Variants in ATP5PF observed in about 807,000 individuals in gnomAD.
The protein encoded by ATP5PF is ATP synthase peripheral stalk subunit F6, also known as ATP synthase peripheral stalk subunit F6, mitochondrial.
Under a neutral mutation model 12.0 loss-of-function variants are expected in ATP5PF, and 7 were observed. The ratio of observed to expected loss-of-function variants is 0.58; its 90% CI spans 0.33 to 1.10. The LOEUF (loss-of-function observed/expected upper bound fraction) is 1.10. ATP5PF is among the 50% of genes least tolerant of loss of function. ATP5PF has a pLI of 0.03. For synonymous variants in ATP5PF, 41 were observed against 45.4 expected (o/e 0.90, Z 0.39); for missense variants, 120 against 127.7 (o/e 0.94, Z 0.29).
At chr21:25,732,466 G>A (rs997786106) in intron 1 of ATP5PF, among the ~76,000 whole-genome samples, 3 of 151,190 alleles carry the variant, frequency 2.0e-5, no homozygotes, top group African/African-American at 7.3e-5. Context: ...GGGCAACACA[G>A]TATGACCCCA....
intron 1 of ATP5PF, among the ~76,000 whole-genome samples, chr21:25,734,147 C>A (rs2034908580): frequency 6.6e-6 from 1 of 152,188 alleles, no homozygotes; most frequent in African/African-American, 2.4e-5. Flanking sequence ...ATAGTCATTA[C>A]ACAAATAGCT....
upstream of ATP5PF, chr21:25,735,002 T>G: frequency 6.5e-7 from 1 of 1,546,084 alleles, no homozygotes; most frequent in African/African-American, 1.4e-5. Flanking sequence ...ACAGGAAGCG[T>G]CTCGGAGACA....
At chr21:25,732,302 A>G (rs1331371954) in intron 1 of ATP5PF, among the ~76,000 whole-genome samples, 1 of 152,208 alleles carries the variant, frequency 6.6e-6, no homozygotes, top group Non-Finnish European at 1.5e-5. Context: ...CAAAATGTCA[A>G]TAATGCCAAG....
chr21:25,725,438 C>CTT (rs901670241), intron 2 of ATP5PF, 88 bp from the exon 3 acceptor site: 638 of 1,027,278 alleles, frequency 6.2e-4, no homozygotes, highest in South Asian at 9.7e-4. Flanking sequence ...TCCAACAGAT[C>CTT]TTTTTTTTTT....
At chr21:25,735,311 G>A (rs1304174716), upstream of ATP5PF, 4 of 306,754 alleles carry the variant, frequency 1.3e-5, no homozygotes, top group Non-Finnish European at 2.5e-5. Context: ...GTGCTTCCTT[G>A]TACCTCGTGA....
intron 2 of ATP5PF, among the ~76,000 whole-genome samples, chr21:25,729,134 C>G (rs1426884033): frequency 6.6e-6 from 1 of 152,124 alleles, no homozygotes; most frequent in Admixed American, 6.5e-5. Flanking sequence ...AGATCTGTAA[C>G]TATGGAAATA....
At chr21:25,726,180 T>G (rs1039459273) in intron 2 of ATP5PF, among the ~76,000 whole-genome samples, 8 of 152,228 alleles carry the variant, frequency 5.3e-5, no homozygotes, top group African/African-American at 1.9e-4. Flanking sequence ...TCATCTGCTT[T>G]AAGTCAGCCA....
intron 1 of ATP5PF, among the ~76,000 whole-genome samples, chr21:25,732,741 T>C (rs1214026623): frequency 6.6e-6 from 1 of 151,642 alleles, no homozygotes; most frequent in African/African-American, 2.4e-5. Context: ...TCCCAGCACT[T>C]TGGGAGGCCA....
chr21:25,734,101 A>T lies in ATP5PF; in HGVS notation c.-8+752T>A, dbSNP rs71649636. ...TAATCCCTTTCATTTTTTTTCACTGATTAGTGAATGCATATTGTCCACTAA... is the reference window on the plus strand; with the variant it reads ...TAATCCCTTTCATTTTTTTTCACTGTTTAGTGAATGCATATTGTCCACTAA... On this transcript the variant is annotated intron_variant, in intron 1 of 3. Transcript: ENST00000284971. Among the ~76,000 whole-genome samples the T allele has an allele frequency of 8.1e-4, 123 of 152,284 alleles. 2 individuals carry two copies. The East Asian group carries it at 0.016, about 20-fold the overall frequency.
intron 1 of ATP5PF, among the ~76,000 whole-genome samples, chr21:25,732,485 GA>G (rs368201392): frequency 6.3e-4 from 90 of 142,896 alleles, no homozygotes; most frequent in Admixed American, 8.4e-4. Flanking sequence ...CATCTCTACA[GA>G]AAAAAAAAAA....
chr21:25,734,932 C>T (rs986281629), upstream of ATP5PF: 14 of 1,573,466 alleles, frequency 8.9e-6, no homozygotes, highest in African/African-American at 1.4e-4. Context: ...CGCCCCCACA[C>T]GCCTACCCGC....
intron 1 of ATP5PF, among the ~76,000 whole-genome samples, chr21:25,730,904 T>C (rs1244672659): frequency 6.6e-6 from 1 of 151,686 alleles, no homozygotes; most frequent in East Asian, 1.9e-4. Context: ...ATGCAAAAAA[T>C]AATCCAAATT....
upstream of ATP5PF, chr21:25,735,147 C>T (rs915895350): frequency 3.0e-6 from 2 of 656,510 alleles, no homozygotes. Context: ...TTTTCCCCTC[C>T]TTGAAACCTT....
chr21:25,728,179 T>C (rs1368637567), intron 2 of ATP5PF, among the ~76,000 whole-genome samples: 1 of 152,192 alleles, frequency 6.6e-6, no homozygotes, highest in Non-Finnish European at 1.5e-5. Context: ...GTCTTTGCTC[T>C]CTTCTCATTT....
At chr21:25,731,104 T>C (rs1303181688) in intron 1 of ATP5PF, among the ~76,000 whole-genome samples, 8 of 152,004 alleles carry the variant, frequency 5.3e-5, no homozygotes, top group Non-Finnish European at 1.2e-4. Context: ...AAGTCAGGCG[T>C]GCTAGCGCGT....
At chr21:25,731,315 G>A (rs539654566) in intron 1 of ATP5PF, among the ~76,000 whole-genome samples, 2 of 152,108 alleles carry the variant, frequency 1.3e-5, no homozygotes, top group African/African-American at 4.8e-5. Flanking sequence ...GATTAAGGCC[G>A]AGTCTATAAA....
intron 2 of ATP5PF, among the ~76,000 whole-genome samples, chr21:25,726,503 A>G (rs1038995517): frequency 1.3e-4 from 20 of 152,188 alleles, no homozygotes; most frequent in East Asian, 1.9e-4. Flanking sequence ...TAAGATGGAA[A>G]AAGCAAAGAC....
intron 2 of ATP5PF, among the ~76,000 whole-genome samples, chr21:25,726,782 T>C (rs1467724629): frequency 1.3e-5 from 2 of 152,230 alleles, no homozygotes; most frequent in Non-Finnish European, 2.9e-5. Flanking sequence ...TACCTAGCAA[T>C]GAACAATATT....
chr21:25,734,774 G>A (rs2034953529), intron 1 of ATP5PF, 79 bp downstream of exon 1: 57 of 1,388,136 alleles, frequency 4.1e-5, no homozygotes, highest in Non-Finnish European at 5.4e-5. Flanking sequence ...GTAAAGGTGA[G>A]AGGCAGCCCA....
Sources: gnomAD v4.1 joint callset for allele counts (sites outside exome capture counted in the v4.1 genomes callset) on GRCh38, gnomAD v4.1.1 for gene constraint, MANE v1.5 for transcripts, NCBI Gene and HGNC (gene_info 2026-07-23, HGNC 2026-07-21) for gene names.